TNFSF8: variants seen among roughly 807,000 people sequenced by gnomAD.
TNFSF8 encodes the protein tumor necrosis factor ligand superfamily member 8.
A neutral mutation model predicts 22.0 loss-of-function variants in TNFSF8; 4 were observed. The ratio of observed to expected loss-of-function variants is 0.18; its 90% CI spans 0.09 to 0.42. TNFSF8 has a LOEUF of 0.42. Ranked by LOEUF, TNFSF8 falls within the 10% of genes least tolerant of loss-of-function variation. The pLI, the probability that TNFSF8 is intolerant of heterozygous loss-of-function variation, is 1.00. For synonymous variants in TNFSF8, 106 were observed against 112.5 expected (o/e 0.94, Z 0.37); for missense variants, 233 against 281.8 (o/e 0.83, Z 1.24).
rs1827722268 is a variant in TNFSF8 at position 114,902,035 on chromosome 9, A to G, written c.*1896T>C. ...TGCAAATTTTGCTCCATGTTTTGGTATAGCAGGGAAGCTTCCATCTTTTTT... is the reference window on the plus strand; with the variant it reads ...TGCAAATTTTGCTCCATGTTTTGGTGTAGCAGGGAAGCTTCCATCTTTTTT... On this transcript the variant is annotated 3_prime_UTR_variant, in exon 4 of 4. Coordinates refer to ENST00000223795, the MANE Select transcript of TNFSF8 (RefSeq NM_001244.4). 14 of 985,354 alleles carry G rather than the reference A, an allele frequency of 1.4e-5. No individual in the cohort carries two copies. The highest frequency in any genetic ancestry group is 1.7e-5 in the African/African-American group (1 of 57,320). The allele number at this position is 985,354 out of a possible 1,614,324, so 61.0% of individuals were successfully genotyped here. A position where few individuals can be genotyped will look rare whatever the true frequency, so the allele number is the denominator to read the frequency against.
rs544238294 is a variant in TNFSF8, at chr9:114,904,592, G to GT, written c.311-268dup. 2.0e-3 allele frequency among the ~76,000 whole-genome samples: 311 copies of GT among 152,190 alleles called. 1 individual carries two copies. Among genetic ancestry groups the GT allele is most frequent in the African/African-American group, 7.2e-3 (297 of 41,516 alleles). On this transcript the variant is annotated intron_variant, in intron 3 of 3. Transcript: ENST00000223795. ...CTTTACTTCTACCTCCTATAGAATGGTTTTCCACTGAATCATTATCATATT... is the reference window on the plus strand; with the variant it reads ...CTTTACTTCTACCTCCTATAGAATGGTTTTTCCACTGAATCATTATCATATT...
chr9:114,929,326 C>T (rs942622677), intron 1 of TNFSF8, among the ~76,000 whole-genome samples: 7 of 151,894 alleles, frequency 4.6e-5, no homozygotes, highest in African/African-American at 1.5e-4. Context: ...GTGCTAAAAA[C>T]CTTTCAACTT....
chr9:114,900,146 A>C (rs1014900462), downstream of TNFSF8, among the ~76,000 whole-genome samples: 10 of 152,244 alleles, frequency 6.6e-5, no homozygotes, highest in African/African-American at 2.4e-4. Context: ...GATGGCTCAG[A>C]GAATAGCCTA....
At chr9:114,912,658 G>T (rs1020089837) in intron 2 of TNFSF8, among the ~76,000 whole-genome samples, 9 of 152,206 alleles carry the variant, frequency 5.9e-5, no homozygotes, top group East Asian at 1.9e-4. Flanking sequence ...CAAAGTGCAC[G>T]TTGCCTCTTG....
downstream of TNFSF8, among the ~76,000 whole-genome samples, chr9:114,896,301 C>A (rs1827654822): frequency 6.6e-6 from 1 of 152,174 alleles, no homozygotes; most frequent in South Asian, 2.1e-4. Context: ...GACATAACAG[C>A]AAAGATTTAA....
chr9:114,928,114 G>T (rs1291016246), intron 1 of TNFSF8, among the ~76,000 whole-genome samples: 4 of 152,078 alleles, frequency 2.6e-5, no homozygotes, highest in African/African-American at 9.7e-5. Flanking sequence ...GATATTTCCT[G>T]GTCTAAGAAA....
chr9:114,925,433 A>G (rs1333125367), intron 1 of TNFSF8, among the ~76,000 whole-genome samples: 1 of 152,142 alleles, frequency 6.6e-6, no homozygotes, highest in East Asian at 1.9e-4. Flanking sequence ...ACAGACAAGG[A>G]ATGAGTCTCC....
At chr9:114,905,948 T>C in intron 2 of TNFSF8, 49 bp from the exon 3 acceptor site, 3 of 1,275,192 alleles carry the variant, frequency 2.4e-6, no homozygotes, top group Admixed American at 1.7e-5. Flanking sequence ...CGTTTTGGGA[T>C]CTGGAAATAC....
Position 114,901,814 on chromosome 9 carries a change from G to A in TNFSF8, c.*2117C>T. 1.0e-6 allele frequency: 1 copy of A among 971,702 alleles called. No individual in the cohort carries two copies. The highest frequency in any genetic ancestry group is 1.2e-6 in the Non-Finnish European group (1 of 817,530). 60.2% of individuals were successfully genotyped at this position (971,702 alleles called of 1,614,324 possible). Reference sequence around the variant, plus strand: ...CTAAATATTTCATAGAGGAGACCTAGGAGGAGGTTGACACAGCACACTGCT... The same window carrying A: ...CTAAATATTTCATAGAGGAGACCTAAGAGGAGGTTGACACAGCACACTGCT... On this transcript the variant is annotated 3_prime_UTR_variant, in exon 4 of 4. Transcript: ENST00000223795.
Position 114,902,518 on chromosome 9 carries a change from T to C in TNFSF8, c.*1413A>G. On this transcript the variant is annotated 3_prime_UTR_variant, in exon 4 of 4. Transcript: ENST00000223795. Reference sequence around the variant, plus strand: ...TGGTTTCCCAAACACCCAGATGGTCTCTTAGATTCTGGATGGTCAGTGTGG... The same window carrying C: ...TGGTTTCCCAAACACCCAGATGGTCCCTTAGATTCTGGATGGTCAGTGTGG... The C allele has an allele frequency of 3.0e-6, 3 of 985,434 alleles. No homozygotes were observed. The highest frequency in any genetic ancestry group is 3.6e-6 in the Non-Finnish European group (3 of 829,928). The allele number at this position is 985,434 out of a possible 1,614,324, so 61.0% of individuals were successfully genotyped here.
intron 2 of TNFSF8, among the ~76,000 whole-genome samples, chr9:114,909,813 G>T (rs1470343456): frequency 1.3e-5 from 2 of 152,174 alleles, no homozygotes; most frequent in African/African-American, 4.8e-5. Context: ...GAATATTTTA[G>T]CTCTGAGGAC....
At chr9:114,900,077 A>C (rs1043834251), downstream of TNFSF8, among the ~76,000 whole-genome samples, 1 of 152,236 alleles carries the variant, frequency 6.6e-6, no homozygotes, top group Non-Finnish European at 1.5e-5. Flanking sequence ...AATATATAGT[A>C]GTTACTCTAC....
downstream of TNFSF8, among the ~76,000 whole-genome samples, chr9:114,900,154 C>T (rs1458526876): frequency 6.6e-6 from 1 of 152,200 alleles, no homozygotes; most frequent in Admixed American, 6.5e-5. Flanking sequence ...AGAGAATAGC[C>T]TAGTGCCCTA....
intron 1 of TNFSF8, among the ~76,000 whole-genome samples, chr9:114,920,197 G>A (rs763555697): frequency 2.0e-4 from 31 of 152,186 alleles, no homozygotes; most frequent in Non-Finnish European, 4.6e-4. Flanking sequence ...ACTGCCAAGC[G>A]TGACCATTGA....
At chr9:114,910,106 G>T (rs1281809716) in intron 2 of TNFSF8, among the ~76,000 whole-genome samples, 5 of 152,166 alleles carry the variant, frequency 3.3e-5, no homozygotes, top group Non-Finnish European at 4.4e-5. Flanking sequence ...CATCAGCTTT[G>T]TAAATCATCT....
rs2131347138 is a variant in TNFSF8 at position 114,918,028 on chromosome 9, G to T, written c.238+68C>A. ...TAGAGTTGTTTCTGGTTGATAATCA[G>T]GTTTCACACTTTATGGCATTTATCT... On this transcript the variant is annotated intron_variant, in intron 2 of 3. Transcript: ENST00000223795. 2.0e-6 allele frequency: 3 copies of T among 1,475,694 alleles called. No homozygotes were observed. The South Asian group carries it at 3.7e-5, about 18-fold the overall frequency. 91.4% of individuals were successfully genotyped at this position (1,475,694 alleles called of 1,614,324 possible).
intron 2 of TNFSF8, among the ~76,000 whole-genome samples, chr9:114,916,822 C>T (rs940669034): frequency 6.6e-6 from 1 of 152,194 alleles, no homozygotes; most frequent in African/African-American, 2.4e-5. Flanking sequence ...TAGTGACCCC[C>T]AAAGCCTAAA....
At chr9:114,920,078 A>C (rs1827968912) in intron 1 of TNFSF8, among the ~76,000 whole-genome samples, 1 of 152,218 alleles carries the variant, frequency 6.6e-6, no homozygotes, top group African/African-American at 2.4e-5. Context: ...GTAGTCTTTC[A>C]GTTATGCATG....
At chr9:114,919,303 A>G (rs369369570) in intron 1 of TNFSF8, among the ~76,000 whole-genome samples, 1 of 152,136 alleles carries the variant, frequency 6.6e-6, no homozygotes, top group East Asian at 1.9e-4. Context: ...TCTGTAATAA[A>G]TATATACATA....
Sources: gnomAD v4.1 joint callset for allele counts (sites outside exome capture counted in the v4.1 genomes callset) on GRCh38, gnomAD v4.1.1 for gene constraint, MANE v1.5 for transcripts, NCBI Gene and HGNC (gene_info 2026-07-23, HGNC 2026-07-21) for gene names.